The following SYTL5 variants were observed in gnomAD, a reference collection of about 807,000 sequenced individuals.
SYTL5 encodes synaptotagmin-like protein 5.
SYTL5 carries 34 observed loss-of-function variants against 55.9 expected under a neutral mutation model. The ratio of observed to expected loss-of-function variants is 0.61; its 90% CI spans 0.46 to 0.81. The LOEUF is 0.81. SYTL5 is among the 30% of genes least tolerant of loss of function. The probability of loss-of-function intolerance (pLI) is 0.00; values close to 1 mark genes in which losing one functional copy is unlikely to be tolerated. For synonymous variants in SYTL5, 221 were observed against 188.7 expected (o/e 1.17, Z -1.40); for missense variants, 637 against 546.7 (o/e 1.17, Z -1.65).
At chrX:37,986,921 G>A in the SYTL5 span, among the ~76,000 whole-genome samples, 1 of 111,548 alleles carries the variant, frequency 9.0e-6, no homozygotes, top group East Asian at 2.8e-4. Flanking sequence ...ACAACATGCA[G>A]GTTTGTTACA....
At chrX:37,969,065 T>C in the SYTL5 span, among the ~76,000 whole-genome samples, 5 of 112,086 alleles carry the variant, frequency 4.5e-5, no homozygotes, top group African/African-American at 1.6e-4. Flanking sequence ...TTGTTCTTTT[T>C]AAAATTTACT....
the SYTL5 span, among the ~76,000 whole-genome samples, chrX:37,997,220 C>A: frequency 4.1e-3 from 463 of 112,488 alleles, 1 homozygote; most frequent in Non-Finnish European, 6.7e-3. Context: ...ATGACCAGGG[C>A]TGCACACTTT....
At chrX:37,933,814 T>G in the SYTL5 span, among the ~76,000 whole-genome samples, 2 of 111,636 alleles carry the variant, frequency 1.8e-5, no homozygotes, top group Non-Finnish European at 3.8e-5. Context: ...AGTCTCTAAC[T>G]TTTTATGTCT....
chrX:38,021,952 C>G (rs1295919247), intron 1 of SYTL5, among the ~76,000 whole-genome samples: 1 of 112,188 alleles, frequency 8.9e-6, no homozygotes, highest in East Asian at 2.8e-4. Context: ...CTCAAAATGT[C>G]TGTGATGAAG....
At chrX:37,981,218 T>C in the SYTL5 span, among the ~76,000 whole-genome samples, 1 of 112,338 alleles carries the variant, frequency 8.9e-6, no homozygotes, top group Non-Finnish European at 1.9e-5. Flanking sequence ...ATCAGAGATA[T>C]AGACAAAACT....
chrX:37,935,306 AC>A, the SYTL5 span, among the ~76,000 whole-genome samples: 1 of 112,201 alleles, frequency 8.9e-6, no homozygotes, highest in African/African-American at 3.2e-5. Context: ...ATAAAAACAG[AC>A]AGAATTTGTC....
At position 38,128,116 on chromosome X, in the gene SYTL5, G is replaced by A. The variant is rs1028298321; in HGVS notation, c.*1386G>A. 8.9e-6 allele frequency: 1 copy of A among 112,058 alleles called. No individual in the cohort carries two copies. The highest frequency in any genetic ancestry group is 3.2e-5 in the African/African-American group (1 of 30,832). 9.2% of individuals were successfully genotyped at this position (112,058 alleles called of 1,213,427 possible). On this transcript the variant is annotated 3_prime_UTR_variant, in exon 17 of 17. Transcript: ENST00000297875. Reference sequence around the variant, plus strand: ...CTGGAATTCCAGATGCTTGAGCTACGAAACTTAGATGCAAAGAAAGTTAAA... The same window carrying A: ...CTGGAATTCCAGATGCTTGAGCTACAAAACTTAGATGCAAAGAAAGTTAAA...
chrX:38,018,537 A>T (rs915177983), intron 1 of SYTL5, among the ~76,000 whole-genome samples: 1 of 111,100 alleles, frequency 9.0e-6, no homozygotes, highest in African/African-American at 3.3e-5. Flanking sequence ...GGACCTCAAC[A>T]TATCTAAATT....
chrX:38,012,677 CT>C (rs770358851), intron 1 of SYTL5, among the ~76,000 whole-genome samples: 1 of 111,939 alleles, frequency 8.9e-6, no homozygotes, highest in East Asian at 2.8e-4. Context: ...ATATATCCCC[CT>C]AAGAGCTATT....
At chrX:38,099,241 A>G (rs1180466329) in intron 9 of SYTL5, among the ~76,000 whole-genome samples, 2 of 111,262 alleles carry the variant, frequency 1.8e-5, no homozygotes, top group African/African-American at 6.5e-5. Context: ...AATCAGTTAT[A>G]AGGGTTCATT....
At chrX:38,051,930 G>A (rs1008105638) in intron 2 of SYTL5, among the ~76,000 whole-genome samples, 3 of 111,513 alleles carry the variant, frequency 2.7e-5, no homozygotes, top group Non-Finnish European at 5.6e-5. Flanking sequence ...AAGGGGAAGT[G>A]AGGCTGAGAG....
rs146725442 is a variant in SYTL5, at chrX:38,044,582, T to C, written c.120-9631T>C. ...AGTTTTTTTGTATGAATGCCCAATT[T>C]TCTTCCATCAAGTCAATTCTATCAT... On this transcript the variant is annotated intron_variant, in intron 2 of 16. Transcript: ENST00000297875. 6.8e-3 allele frequency among the ~76,000 whole-genome samples: 763 copies of C among 112,116 alleles called. 4 individuals carry two copies. Among genetic ancestry groups the C allele is most frequent in the Non-Finnish European group, 0.011 (603 of 53,105 alleles).
chrX:38,126,515 A>G, intron 16 of SYTL5, 73 bp from the exon 17 acceptor site: 2 of 1,115,839 alleles, frequency 1.8e-6, no homozygotes, highest in Non-Finnish European at 2.4e-6. Context: ...CCTGCTCAGA[A>G]GTTGATAGAT....
At chrX:38,065,269 A>G (rs1936066767) in intron 3 of SYTL5, among the ~76,000 whole-genome samples, 1 of 111,421 alleles carries the variant, frequency 9.0e-6, no homozygotes, top group Non-Finnish European at 1.9e-5. Context: ...GTTTGTTTAG[A>G]TTTTTATATA....
the SYTL5 span, among the ~76,000 whole-genome samples, chrX:37,994,948 G>A: frequency 3.6e-5 from 4 of 111,493 alleles, no homozygotes; most frequent in African/African-American, 1.3e-4. Flanking sequence ...GCTTTGGGTT[G>A]GAGGTGTCTG....
chrX:38,018,315 C>A (rs1934426679), intron 1 of SYTL5, among the ~76,000 whole-genome samples: 1 of 111,555 alleles, frequency 9.0e-6, no homozygotes, highest in Non-Finnish European at 1.9e-5. Flanking sequence ...TCTTTTGCCC[C>A]TTTCACTTCT....
rs1416701618 is a variant in SYTL5 at position 38,120,478 on chromosome X, A to T, written c.1705+12A>T. On this transcript the variant is annotated intron_variant, in intron 14 of 16. Transcript: ENST00000297875. ...AGAACAACTCCAAGGTAGAGTAAAAATCAATGACTTTGATCAATGACATTC... is the reference window on the plus strand; with the variant it reads ...AGAACAACTCCAAGGTAGAGTAAAATTCAATGACTTTGATCAATGACATTC... 16 of 1,131,330 alleles carry T rather than the reference A, an allele frequency of 1.4e-5. No homozygotes were observed. The highest frequency in any genetic ancestry group is 2.2e-5 in the Admixed American group (1 of 45,616). 93.2% of individuals were successfully genotyped at this position (1,131,330 alleles called of 1,213,427 possible).
intron 5 of SYTL5, among the ~76,000 whole-genome samples, chrX:38,075,623 AT>A (rs1346829931): frequency 2.7e-5 from 3 of 111,774 alleles, no homozygotes; most frequent in South Asian, 3.8e-4. Context: ...ATACCTTGAC[AT>A]TATATTAAGT....
At chrX:37,983,032 A>G in the SYTL5 span, among the ~76,000 whole-genome samples, 1 of 111,446 alleles carries the variant, frequency 9.0e-6, no homozygotes, top group Non-Finnish European at 1.9e-5. Flanking sequence ...TAAGGAAATA[A>G]CTCAAGAAAA....
Sources: gnomAD v4.1 joint callset for allele counts (sites outside exome capture counted in the v4.1 genomes callset) on GRCh38, gnomAD v4.1.1 for gene constraint, MANE v1.5 for transcripts, NCBI Gene and HGNC (gene_info 2026-07-23, HGNC 2026-07-21) for gene names.